The following IMPA2 variants were observed in gnomAD, a reference collection of about 807,000 sequenced individuals.
IMPA2 encodes the protein IMP 2.
A neutral mutation model predicts 35.1 loss-of-function variants in IMPA2; 32 were observed. That is an observed-to-expected ratio of 0.91 (90% CI 0.69 to 1.23). IMPA2 has a LOEUF of 1.23. Among genes scored for constraint, IMPA2 ranks in the 50% most tolerant of loss-of-function variants. IMPA2 has a pLI of 0.00. For missense variants in IMPA2, 334 were observed against 387.6 expected (o/e 0.86, Z 1.16); for synonymous variants, 135 against 160.6 (o/e 0.84, Z 1.20).
chr18:12,007,635 CTTTCTTTCT>C (rs1907299833), intron 2 of IMPA2, among the ~76,000 whole-genome samples: 1 of 50,064 alleles, frequency 2.0e-5, no homozygotes, highest in African/African-American at 6.9e-5. Flanking sequence ...TTTCTTCTTT[CTTTCTTTCT>C]TTCTTTCTTT....
intron 2 of IMPA2, among the ~76,000 whole-genome samples, chr18:12,007,718 CTTTA>C (rs1311480933): frequency 2.2e-5 from 3 of 136,010 alleles, no homozygotes; most frequent in Non-Finnish European, 1.5e-5. Context: ...TCCTTCCCTT[CTTTA>C]TTTCTCTCTC....
intron 1 of IMPA2, among the ~76,000 whole-genome samples, chr18:11,996,374 A>T (rs1278956918): frequency 6.6e-6 from 1 of 152,138 alleles, no homozygotes; most frequent in Non-Finnish European, 1.5e-5. Flanking sequence ...ATGTGATGTA[A>T]TTGGTGTCTG....
In IMPA2 at chr18:12,030,678, C is replaced by G. The variant is rs531165616; in HGVS notation, c.*220C>G. 6.1e-5 allele frequency: 34 copies of G among 553,522 alleles called. No individual in the cohort carries two copies. The highest frequency in any genetic ancestry group is 4.9e-4 in the African/African-American group (26 of 52,884). The allele number at this position is 553,522 out of a possible 1,614,324, so 34.3% of individuals were successfully genotyped here. A position where few individuals can be genotyped will look rare whatever the true frequency, so the allele number is the denominator to read the frequency against. ...TGTTTCTCTCTTTAATCTCACGTAGCCTTTTTCAGGTTAGTACGTGTTCTT... is the reference window on the plus strand; with the variant it reads ...TGTTTCTCTCTTTAATCTCACGTAGGCTTTTTCAGGTTAGTACGTGTTCTT... On this transcript the variant is annotated 3_prime_UTR_variant, in exon 8 of 8. Transcript: ENST00000269159.
intron 1 of IMPA2, among the ~76,000 whole-genome samples, chr18:11,996,295 G>A (rs569415233): frequency 2.2e-4 from 34 of 152,320 alleles, no homozygotes; most frequent in African/African-American, 7.7e-4. Flanking sequence ...AGTTTCCCAA[G>A]GGCCCTGGGG....
At chr18:11,983,719 G>A (rs1906572962) in intron 1 of IMPA2, among the ~76,000 whole-genome samples, 1 of 151,992 alleles carries the variant, frequency 6.6e-6, no homozygotes, top group African/African-American at 2.4e-5. Flanking sequence ...TCCCCCTCAG[G>A]CATTATGCTG....
intron 5 of IMPA2, among the ~76,000 whole-genome samples, chr18:12,020,195 G>T (rs539584665): frequency 6.7e-6 from 1 of 149,320 alleles, no homozygotes; most frequent in African/African-American, 2.6e-5. Flanking sequence ...TTGATTGATT[G>T]ATTGATTGAT....
intron 2 of IMPA2, among the ~76,000 whole-genome samples, chr18:12,005,600 A>C (rs1301046546): frequency 6.6e-6 from 1 of 152,276 alleles, no homozygotes; most frequent in African/African-American, 2.4e-5. Context: ...TTAACAAATT[A>C]ACTTATATTA....
rs682271 is a variant in IMPA2 at position 11,991,702 on chromosome 18, G to T, written c.97-7352G>T. On this transcript the variant is annotated intron_variant, in intron 1 of 7. Coordinates refer to ENST00000269159, the MANE Select transcript of IMPA2 (RefSeq NM_014214.3). This position sits in a 1 kb window ranked among gnomAD's most constrained non-coding sequence, Gnocchi z 4.1. Reference sequence around the variant, plus strand: ...TGGACAGAGTCCCAAGGCCATTTGCGGAGAACCCCCTCTTACTTGGGGGAG... The same window carrying T: ...TGGACAGAGTCCCAAGGCCATTTGCTGAGAACCCCCTCTTACTTGGGGGAG... 1.1e-4 allele frequency among the ~76,000 whole-genome samples: 17 copies of T among 152,056 alleles called. No homozygotes were observed. Among genetic ancestry groups the T allele is most frequent in the African/African-American group, 3.9e-4 (16 of 41,450 alleles).
intron 1 of IMPA2, among the ~76,000 whole-genome samples, chr18:11,989,920 C>T (rs1207029558): frequency 2.0e-5 from 3 of 152,176 alleles, no homozygotes; most frequent in Non-Finnish European, 4.4e-5. Flanking sequence ...TACAGGCCCC[C>T]TCCTCGAGCT....
chr18:12,011,669 G>C lies in IMPA2; in HGVS notation c.336-501G>C, dbSNP rs142640352. 1.8e-3 allele frequency among the ~76,000 whole-genome samples: 281 copies of C among 152,358 alleles called. 1 individual carries two copies. Among genetic ancestry groups the C allele is most frequent in the African/African-American group, 6.3e-3 (262 of 41,588 alleles). On this transcript the variant is annotated intron_variant, in intron 3 of 7. Coordinates refer to ENST00000269159, the MANE Select transcript of IMPA2 (RefSeq NM_014214.3). Reference sequence around the variant, plus strand: ...TGCAGGCAAACTGATCATGAAAACTGTCTGCAGCCGTGGCTGTCCCTGCAG... The same window carrying C: ...TGCAGGCAAACTGATCATGAAAACTCTCTGCAGCCGTGGCTGTCCCTGCAG...
intron 1 of IMPA2, among the ~76,000 whole-genome samples, chr18:11,983,274 G>A (rs1034778981): frequency 3.9e-5 from 6 of 152,336 alleles, no homozygotes; most frequent in Middle Eastern, 3.4e-3. Context: ...CTGTGTGCAT[G>A]GAACACGGGT....
intron 2 of IMPA2, among the ~76,000 whole-genome samples, chr18:12,006,829 G>A (rs979450532): frequency 2.0e-5 from 3 of 152,112 alleles, no homozygotes; most frequent in African/African-American, 4.8e-5. Flanking sequence ...GGCAGCTCCC[G>A]TGCATAGAAA....
intron 2 of IMPA2, among the ~76,000 whole-genome samples, chr18:12,004,868 G>T (rs1907209891): frequency 6.6e-6 from 1 of 152,106 alleles, no homozygotes; most frequent in South Asian, 2.1e-4. Context: ...CTTTTAGGAA[G>T]GTCTTTATGA....
In IMPA2 at chr18:12,030,603, T is replaced by C. The variant is rs1568041285; in HGVS notation, c.*145T>C. On this transcript the variant is annotated 3_prime_UTR_variant, in exon 8 of 8. Coordinates refer to ENST00000269159, the MANE Select transcript of IMPA2 (RefSeq NM_014214.3). ...GAGGGAGTTGTCACGCTACAGTGAG[T>C]GGCTGGCCTTTTAAATCGACGTCTC... 1 of 618,706 alleles carries C rather than the reference T, an allele frequency of 1.6e-6. No homozygotes were observed. 38.3% of individuals were successfully genotyped at this position (618,706 alleles called of 1,614,324 possible).
chr18:12,030,310 C>T, intron 7 of IMPA2, 33 bp from the exon 8 acceptor site: 1 of 1,544,742 alleles, frequency 6.5e-7, no homozygotes, highest in Non-Finnish European at 9.0e-7. Flanking sequence ...TCTCTGGTAA[C>T]CCGGATGCCT....
intron 1 of IMPA2, among the ~76,000 whole-genome samples, chr18:11,988,142 A>T (rs1906719485): frequency 6.7e-6 from 1 of 150,318 alleles, no homozygotes; most frequent in South Asian, 2.1e-4. Flanking sequence ...AGTAGCTGGG[A>T]TTACAGGCAT....
At chr18:12,026,413 T>C (rs903649159) in intron 5 of IMPA2, among the ~76,000 whole-genome samples, 4 of 152,210 alleles carry the variant, frequency 2.6e-5, no homozygotes, top group African/African-American at 9.7e-5. Flanking sequence ...GTATTTAGAT[T>C]CTTAGATTAG....
intron 2 of IMPA2, among the ~76,000 whole-genome samples, chr18:11,999,953 T>C (rs917346877): frequency 6.6e-6 from 1 of 152,216 alleles, no homozygotes; most frequent in East Asian, 1.9e-4. Flanking sequence ...GTATAAATGC[T>C]GAAGACCATG....
chr18:12,005,811 T>C (rs950361493), intron 2 of IMPA2, among the ~76,000 whole-genome samples: 18 of 152,182 alleles, frequency 1.2e-4, no homozygotes, highest in Admixed American at 7.2e-4. Context: ...TGCCTCCTCC[T>C]TCAGGGCTCA....
Sources: gnomAD v4.1 joint callset for allele counts (sites outside exome capture counted in the v4.1 genomes callset) on GRCh38, gnomAD v4.1.1 for gene constraint, Gnocchi (gnomAD v3.1) non-coding constraint, MANE v1.5 for transcripts, NCBI Gene and HGNC (gene_info 2026-07-23, HGNC 2026-07-21) for gene names.